Variants in SMAP1 observed in about 807,000 individuals in gnomAD.
SMAP1 encodes stromal membrane-associated protein 1.
Under a neutral mutation model 58.5 loss-of-function variants are expected in SMAP1, and 24 were observed. The observed-to-expected ratio is 0.41, with a 90% CI of 0.30 to 0.58. The LOEUF (loss-of-function observed/expected upper bound fraction) is 0.58. Ranked by LOEUF, SMAP1 falls within the 20% of genes least tolerant of loss-of-function variation. SMAP1 has a pLI of 0.29. For missense variants in SMAP1, 563 were observed against 566.3 expected, an observed-to-expected ratio of 0.99 and a Z score of 0.06; for synonymous variants, 216 against 196.6, an observed-to-expected ratio of 1.10 and a Z score of -0.82.
At chr6:70,709,285 A>G (rs1256128780) in intron 1 of SMAP1, among the ~76,000 whole-genome samples, 1 of 152,064 alleles carries the variant, frequency 6.6e-6, no homozygotes, top group Non-Finnish European at 1.5e-5. Context: ...GTCTATTTTC[A>G]TGCCCATACC....
chr6:70,682,854 G>A (rs913708729), intron 1 of SMAP1, among the ~76,000 whole-genome samples: 3 of 152,038 alleles, frequency 2.0e-5, no homozygotes, highest in Admixed American at 6.5e-5. Flanking sequence ...CCTGGCCAAC[G>A]TGGCGAAACC....
chr6:70,694,083 C>T, intron 1 of SMAP1: 1 of 229,422 alleles, frequency 4.4e-6, no homozygotes, highest in Admixed American at 5.5e-5. Flanking sequence ...TCTTGAAGTT[C>T]AAATGGTTGT....
At chr6:70,727,783 G>A (rs1186109353) in intron 1 of SMAP1, among the ~76,000 whole-genome samples, 1 of 152,056 alleles carries the variant, frequency 6.6e-6, no homozygotes, top group East Asian at 1.9e-4. Flanking sequence ...CACACTGACC[G>A]TGTGCAGTGT....
chr6:70,719,005 A>G (rs946680613), intron 1 of SMAP1, among the ~76,000 whole-genome samples: 3 of 152,116 alleles, frequency 2.0e-5, no homozygotes, highest in Non-Finnish European at 4.4e-5. Flanking sequence ...TTTAAAAACT[A>G]TTTTATAACA....
intron 6 of SMAP1, among the ~76,000 whole-genome samples, chr6:70,816,185 G>C (rs1769622175): frequency 1.3e-5 from 2 of 152,006 alleles, no homozygotes; most frequent in South Asian, 2.1e-4. Flanking sequence ...GAGAGAAGAA[G>C]AACATTAAAA....
At chr6:70,680,790 C>G (rs1766675200) in intron 1 of SMAP1, among the ~76,000 whole-genome samples, 1 of 131,178 alleles carries the variant, frequency 7.6e-6, no homozygotes, top group Non-Finnish European at 1.6e-5. Flanking sequence ...ATGATCTCGG[C>G]TCACTGCAGC....
chr6:70,714,982 G>A (rs1380652757), intron 1 of SMAP1, among the ~76,000 whole-genome samples: 1 of 151,692 alleles, frequency 6.6e-6, no homozygotes, highest in Non-Finnish European at 1.5e-5. Flanking sequence ...GAAATAGAGA[G>A]TCCCCTGTAC....
intron 7 of SMAP1, among the ~76,000 whole-genome samples, chr6:70,851,866 G>T (rs535466118): frequency 3.3e-5 from 5 of 152,114 alleles, no homozygotes; most frequent in Non-Finnish European, 7.4e-5. Context: ...TGGCTGTGCT[G>T]GAATAAATAA....
chr6:70,680,878 C>A (rs1209178448), intron 1 of SMAP1, among the ~76,000 whole-genome samples: 2 of 151,804 alleles, frequency 1.3e-5, no homozygotes, highest in African/African-American at 4.8e-5. Flanking sequence ...GCCACCACAC[C>A]CAGCTAATTT....
At chr6:70,753,197 C>G (rs1041091403) in intron 2 of SMAP1, among the ~76,000 whole-genome samples, 1 of 152,040 alleles carries the variant, frequency 6.6e-6, no homozygotes, top group Non-Finnish European at 1.5e-5. Context: ...TAGACACCAT[C>G]AATTGTGAGA....
intron 1 of SMAP1, among the ~76,000 whole-genome samples, chr6:70,700,502 T>C (rs1385930746): frequency 6.6e-6 from 1 of 152,210 alleles, no homozygotes; most frequent in Middle Eastern, 3.2e-3. Context: ...TTCACCATGT[T>C]GGCCAGACAG....
At chr6:70,833,426 A>G (rs77399285) in intron 6 of SMAP1, among the ~76,000 whole-genome samples, 3,899 of 152,330 alleles carry the variant, frequency 0.026, 93 homozygotes, top group Middle Eastern at 0.044. Context: ...ATACAAAGTA[A>G]ATTTTAAAGT....
At chr6:70,671,851 A>G (rs777056302) in intron 1 of SMAP1, among the ~76,000 whole-genome samples, 3 of 152,174 alleles carry the variant, frequency 2.0e-5, no homozygotes, top group Admixed American at 1.3e-4. Context: ...ATAGACCACA[A>G]TTTATCCGTC....
intron 10 of SMAP1, 118 bp downstream of exon 10, chr6:70,858,347 A>C: frequency 1.1e-6 from 1 of 882,560 alleles, no homozygotes. Context: ...AGAATTCAAT[A>C]GGGATAATAT....
intron 3 of SMAP1, among the ~76,000 whole-genome samples, chr6:70,755,729 G>A (rs924302941): frequency 3.9e-5 from 6 of 151,978 alleles, no homozygotes; most frequent in Non-Finnish European, 8.8e-5. Flanking sequence ...CAATTGGAAA[G>A]TATATGCTGT....
intron 6 of SMAP1, among the ~76,000 whole-genome samples, chr6:70,826,942 A>C (rs1032742944): frequency 1.5e-3 from 96 of 62,436 alleles, no homozygotes; most frequent in African/African-American, 4.5e-3. Context: ...CTCAAAAAAA[A>C]AAAAAAAAAA....
At chr6:70,758,019 G>C (rs931697963) in intron 3 of SMAP1, among the ~76,000 whole-genome samples, 1 of 151,788 alleles carries the variant, frequency 6.6e-6, no homozygotes, top group African/African-American at 2.4e-5. Flanking sequence ...CCCATTACTG[G>C]GTATATACCC....
intron 6 of SMAP1, among the ~76,000 whole-genome samples, chr6:70,818,456 A>G (rs571309511): frequency 2.0e-5 from 3 of 152,322 alleles, no homozygotes; most frequent in Admixed American, 1.3e-4. Flanking sequence ...ATTTTGCCAC[A>G]TACAAATGTA....
chr6:70,777,823 G>C (rs1318829312), intron 4 of SMAP1, among the ~76,000 whole-genome samples: 1 of 151,600 alleles, frequency 6.6e-6, no homozygotes, highest in Non-Finnish European at 1.5e-5. Context: ...TGCAATCTCA[G>C]CTCCCTGCAA....
Sources: allele counts gnomAD v4.1 joint callset (sites outside exome capture counted in the v4.1 genomes callset), GRCh38; gene constraint gnomAD v4.1.1; transcripts MANE v1.5; gene names NCBI Gene and HGNC (gene_info 2026-07-23, HGNC 2026-07-21).